CAV2: variants seen among roughly 807,000 people sequenced by gnomAD.
CAV2 encodes caveolin 2.
CAV2 carries 7 observed loss-of-function variants against 15.5 expected under a neutral mutation model. That is an observed-to-expected ratio of 0.45 (90% CI 0.26 to 0.85). The LOEUF is 0.85. Ranked by LOEUF, CAV2 falls within the 40% of genes least tolerant of loss-of-function variation. The probability of loss-of-function intolerance (pLI) is 0.18; values close to 1 mark genes in which losing one functional copy is unlikely to be tolerated. For missense variants in CAV2, 229 were observed against 208.8 expected (o/e 1.10, Z -0.60); for synonymous variants, 76 against 83.1 (o/e 0.91, Z 0.46).
chr7:116,500,074 C>G, intron 1 of CAV2, 143 bp downstream of exon 1: 12 of 1,469,416 alleles, frequency 8.2e-6, no homozygotes, highest in Non-Finnish European at 9.9e-6. Flanking sequence ...CGGTCCCACC[C>G]GTCACCAGGC....
intron 2 of CAV2, among the ~76,000 whole-genome samples, chr7:116,503,223 A>G (rs1457583416): frequency 6.6e-6 from 1 of 151,044 alleles, no homozygotes; most frequent in African/African-American, 2.4e-5. Context: ...TTCAGCCTCA[A>G]CCAAATTTTG....
At chr7:116,501,238 T>G (rs1351609836) in intron 2 of CAV2, 2 of 152,256 alleles carry the variant, frequency 1.3e-5, no homozygotes, top group Non-Finnish European at 2.9e-5. Flanking sequence ...TTTTAAATTT[T>G]TTATGGAAAA....
chr7:116,503,152 C>T (rs1332015191), intron 2 of CAV2, among the ~76,000 whole-genome samples: 1 of 148,924 alleles, frequency 6.7e-6, no homozygotes, highest in African/African-American at 2.4e-5. Flanking sequence ...TATAACCTTA[C>T]ATATATTAAT....
At chr7:116,505,919 C>A in intron 2 of CAV2, 52 bp from the exon 3 acceptor site, 2 of 1,296,882 alleles carry the variant, frequency 1.5e-6, no homozygotes, top group Non-Finnish European at 2.2e-6. Flanking sequence ...ACAAGACAGA[C>A]CTTATTTGGT....
intron 2 of CAV2, among the ~76,000 whole-genome samples, chr7:116,502,417 C>T (rs998493359): frequency 8.6e-5 from 13 of 152,042 alleles, no homozygotes; most frequent in Non-Finnish European, 1.3e-4. Context: ...AAACATTTGT[C>T]ACCAGGCAGC....
chr7:116,503,206 G>A (rs1793143199), intron 2 of CAV2, among the ~76,000 whole-genome samples: 1 of 149,944 alleles, frequency 6.7e-6, no homozygotes, highest in Non-Finnish European at 1.5e-5. Context: ...AAGAAGTATT[G>A]GCCACATTCA....
intron 2 of CAV2, among the ~76,000 whole-genome samples, chr7:116,502,700 G>T (rs138337975): frequency 1.3e-5 from 2 of 152,108 alleles, no homozygotes; most frequent in Non-Finnish European, 2.9e-5. Flanking sequence ...GTGGAACTTT[G>T]AACCATGTCA....
chr7:116,502,078 A>G (rs1332142105), intron 2 of CAV2, among the ~76,000 whole-genome samples: 1 of 152,216 alleles, frequency 6.6e-6, no homozygotes. Flanking sequence ...CATATTGTGA[A>G]ATGCTGACTA....
rs1386819309 is a variant in CAV2, at chr7:116,507,841, A to T, written c.*1720A>T. 1 of 152,240 alleles carries T rather than the reference A, an allele frequency of 6.6e-6. No homozygotes were observed. Among genetic ancestry groups the T allele is most frequent in the Non-Finnish European group, 1.5e-5 (1 of 68,040 alleles). 9.4% of individuals were successfully genotyped at this position (152,240 alleles called of 1,614,324 possible). ...AATTACCATCAGAACCTCAATTGAC[A>T]TTCCTTTGAATACGCTAATAAGTGA... On this transcript the variant is annotated 3_prime_UTR_variant, in exon 3 of 3. Coordinates refer to ENST00000222693, the MANE Select transcript of CAV2 (RefSeq NM_001233.5).
At chr7:116,500,818 CCT>C (rs2116117643) in intron 2 of CAV2, 1 of 195,722 alleles carries the variant, frequency 5.1e-6, no homozygotes, top group South Asian at 1.3e-4. Context: ...TCTTTCATTG[CCT>C]TTTATTCAGT....
rs141220323 is a variant in CAV2, at chr7:116,506,090, C to T, written c.458C>T (p.Ser153Phe). 2.5e-6 allele frequency: 4 copies of T among 1,614,138 alleles called. No homozygotes were observed. The highest frequency in any genetic ancestry group is 2.2e-5 in the East Asian group (1 of 44,878). The change falls in exon 3 of 3, where the codon TCT becomes TTT. Residue 153 changes from serine (S) to phenylalanine (F), a missense_variant. Physicochemically the swap from Ser to Phe is radical, Grantham distance 155. Coordinates refer to ENST00000222693, the MANE Select transcript of CAV2 (RefSeq NM_001233.5). The stretch of plus-strand genomic sequence containing the variant: ...TGTACGAGCGTAGGACGATGCTTCT[C>T]TTCTGTCAGCCTGCAACTGAGCCAG... ...PLCTSVGRCFSSVSLQLSQD is the reference protein window; with the variant it reads ...PLCTSVGRCFFSVSLQLSQD
rs1793259615 is a variant in CAV2 at position 116,507,294 on chromosome 7, T to C, written c.*1173T>C. ...TTTTAAGATTTCTCTAATATTGGTATGTAACACAGGATAAAGTTATTCTTG... is the reference window on the plus strand; with the variant it reads ...TTTTAAGATTTCTCTAATATTGGTACGTAACACAGGATAAAGTTATTCTTG... On this transcript the variant is annotated 3_prime_UTR_variant, in exon 3 of 3. Transcript: ENST00000222693. The C allele has an allele frequency of 6.6e-6, 1 of 152,246 alleles. No individual in the cohort carries two copies. Among genetic ancestry groups the C allele is most frequent in the Non-Finnish European group, 1.5e-5 (1 of 68,044 alleles). 9.4% of individuals were successfully genotyped at this position (152,246 alleles called of 1,614,324 possible).
intron 2 of CAV2, among the ~76,000 whole-genome samples, chr7:116,505,548 C>T (rs956543417): frequency 6.6e-6 from 1 of 152,136 alleles, no homozygotes; most frequent in African/African-American, 2.4e-5. Context: ...CCTCAGGAAG[C>T]TTCCACTTAT....
chr7:116,505,214 A>C (rs1793204990), intron 2 of CAV2, among the ~76,000 whole-genome samples: 1 of 152,220 alleles, frequency 6.6e-6, no homozygotes, highest in Non-Finnish European at 1.5e-5. Flanking sequence ...GCTATCAGGA[A>C]GTAAACCCTC....
Position 116,507,377 on chromosome 7 carries a change from TCTC to T in CAV2, c.*1257_*1259del, listed in dbSNP as rs1236983101. On this transcript the variant is annotated 3_prime_UTR_variant, in exon 3 of 3. Transcript: ENST00000222693. ...GATGAATCACTGTTGCTTTGAAAAA[TCTC>T]ATTATTTCTGGGCCGGGCATGGTGG... 6.6e-6 allele frequency: 1 copy of T among 152,142 alleles called. No homozygotes were observed. Among genetic ancestry groups the T allele is most frequent in the East Asian group, 1.9e-4 (1 of 5,198 alleles). 9.4% of individuals were successfully genotyped at this position (152,142 alleles called of 1,614,324 possible). A position where few individuals can be genotyped will look rare whatever the true frequency, so the allele number is the denominator to read the frequency against.
Position 116,499,826 on chromosome 7 carries a change from C to T in CAV2, c.45C>T (p.Asp15=). 2 of 1,602,996 alleles carry T rather than the reference C, an allele frequency of 1.2e-6. No homozygotes were observed. Among genetic ancestry groups the T allele is most frequent in the Non-Finnish European group, 1.7e-6 (2 of 1,176,140 alleles). The change falls in exon 1 of 3, where the codon GAC becomes GAT. Residue 15 remains aspartate, a synonymous_variant. Transcript: ENST00000222693. ...TEKADVQLFM[D]DDSYSHHSGL... The stretch of plus-strand genomic sequence containing the variant: ...AGGCGGACGTACAGCTCTTCATGGA[C>T]GACGACTCCTACAGCCACCACAGCG...
chr7:116,505,428 T>C (rs1793210768), intron 2 of CAV2, among the ~76,000 whole-genome samples: 1 of 152,220 alleles, frequency 6.6e-6, no homozygotes, highest in Non-Finnish European at 1.5e-5. Flanking sequence ...TGCATTACTA[T>C]GAAGGAATAC....
rs1793280855 is a variant in CAV2, at chr7:116,507,939, AT to A, written c.*1820del. The A allele has an allele frequency of 6.6e-6, 1 of 152,184 alleles. No homozygotes were observed. Among genetic ancestry groups the A allele is most frequent in the African/African-American group, 2.4e-5 (1 of 41,448 alleles). The allele number at this position is 152,184 out of a possible 1,614,324, so 9.4% of individuals were successfully genotyped here. ...TAAATGATGATTGAACTGGAATAATATTGGGGACCAAATCAAATGAATGATT... is the reference window on the plus strand; with the variant it reads ...TAAATGATGATTGAACTGGAATAATATGGGGACCAAATCAAATGAATGATT... On this transcript the variant is annotated 3_prime_UTR_variant, in exon 3 of 3. Coordinates refer to ENST00000222693, the MANE Select transcript of CAV2 (RefSeq NM_001233.5).
chr7:116,504,028 AAGAG>A (rs1269925552), intron 2 of CAV2, among the ~76,000 whole-genome samples: 8 of 103,534 alleles, frequency 7.7e-5, no homozygotes, highest in Admixed American at 2.3e-4. Context: ...GAAAGAAAGA[AAGAG>A]AAAGAAAAAG....
Sources: allele counts gnomAD v4.1 joint callset (sites outside exome capture counted in the v4.1 genomes callset), GRCh38; gene constraint gnomAD v4.1.1; transcripts MANE v1.5; gene names NCBI Gene and HGNC (gene_info 2026-07-23, HGNC 2026-07-21).